MROH7: variants seen among roughly 807,000 people sequenced by gnomAD.
MROH7 encodes maestro heat-like repeat-containing protein family member 7.
A neutral mutation model predicts 129.2 loss-of-function variants in MROH7; 113 were observed. The ratio of observed to expected loss-of-function variants is 0.87; its 90% CI spans 0.75 to 1.02. MROH7 has a LOEUF of 1.02. MROH7 is among the 50% of genes least tolerant of loss of function. The probability of loss-of-function intolerance (pLI) is 0.00; values close to 1 mark genes in which losing one functional copy is unlikely to be tolerated. For synonymous variants in MROH7, 655 were observed against 667.9 expected (o/e 0.98, Z 0.30); for missense variants, 1,601 against 1,671.3 (o/e 0.96, Z 0.73).
chr1:54,697,251 T>C (rs1645338398), intron 17 of MROH7: 3 of 169,118 alleles, frequency 1.8e-5, no homozygotes, highest in African/African-American at 7.1e-5. Flanking sequence ...ACCTTAAAGT[T>C]TGCCAAATGA....
At chr1:54,692,685 TCTC>T (rs1645258709) in intron 16 of MROH7, 124 bp downstream of exon 16, 20 of 948,524 alleles carry the variant, frequency 2.1e-5, no homozygotes, top group Non-Finnish European at 3.1e-5. Context: ...TGTCACCTCT[TCTC>T]TACAACTGGG....
At chr1:54,699,240 T>C (rs1231163923) in intron 17 of MROH7, 2 of 149,858 alleles carry the variant, frequency 1.3e-5, no homozygotes, top group African/African-American at 2.5e-5. Context: ...CTTCCTTCTT[T>C]CCCCTTTCCT....
At chr1:54,695,312 T>TC (rs1017374408) in intron 16 of MROH7, 64 bp from the exon 17 acceptor site, 31 of 846,258 alleles carry the variant, frequency 3.7e-5, no homozygotes, top group African/African-American at 6.8e-5. Flanking sequence ...CACAAGCAAA[T>TC]CCCCCCCACA....
chr1:54,675,591 G>A (rs529349957), intron 10 of MROH7, among the ~76,000 whole-genome samples: 79 of 143,468 alleles, frequency 5.5e-4, no homozygotes, highest in East Asian at 2.3e-3. Flanking sequence ...ATTCTGGCTC[G>A]GGACGCTGCC....
intron 10 of MROH7, among the ~76,000 whole-genome samples, chr1:54,675,558 G>A (rs1489623035): frequency 6.6e-6 from 1 of 151,660 alleles, no homozygotes; most frequent in Non-Finnish European, 1.5e-5. Context: ...TTTAGGGGTA[G>A]GAGTAGGAGC....
At position 54,673,164 on chromosome 1, in the gene MROH7, C is replaced by T. The variant is rs375789961; in HGVS notation, c.1673C>T (p.Ala558Val). 1.1e-5 allele frequency: 17 copies of T among 1,613,462 alleles called. No individual in the cohort carries two copies. In the African/African-American group the frequency reaches 1.5e-4, roughly 14 times the overall value. ...CTCTTTATCGAGGACCCCACTCCTG[C>T]TGGGCTGAAGAGCATCTTGGAGGTG... Reference protein sequence around the residue: ...KALFIEDPTPAGLKSILEALG... With the variant: ...KALFIEDPTPVGLKSILEALG... The change falls in exon 8 of 24, where the codon GCT becomes GTT. Residue 558 changes from alanine to valine, a missense_variant. Coordinates refer to ENST00000421030, the MANE Select transcript of MROH7 (RefSeq NM_001039464.4).
rs573064705 is a variant in MROH7 at position 54,660,454 on chromosome 1, T to C, written c.1232-4713T>C. ...CAGCAATGACTGAATTAATTTACGC[T>C]TCCACAAACAATGTGAGTTTCAATT... is the stretch of plus-strand genomic sequence containing the variant. On this transcript the variant is annotated intron_variant, in intron 3 of 23. Coordinates refer to ENST00000421030, the MANE Select transcript of MROH7 (RefSeq NM_001039464.4). Among the ~76,000 whole-genome samples, 3 of 152,350 alleles carry C rather than the reference T, an allele frequency of 2.0e-5. No individual in the cohort carries two copies. The South Asian group carries it at 6.2e-4, about 32-fold the overall frequency.
At chr1:54,660,110 C>G (rs1644709772) in intron 3 of MROH7, among the ~76,000 whole-genome samples, 1 of 152,138 alleles carries the variant, frequency 6.6e-6, no homozygotes, top group Non-Finnish European at 1.5e-5. Flanking sequence ...GCTGCCATAA[C>G]AAAATGCCTG....
intron 1 of MROH7, among the ~76,000 whole-genome samples, chr1:54,645,688 T>G: frequency 7.3e-6 from 1 of 137,658 alleles, no homozygotes; most frequent in Non-Finnish European, 1.5e-5. Flanking sequence ...ACTCTCTCCC[T>G]GTTGTCCGGG....
chr1:54,668,752 G>T, intron 4 of MROH7, 102 bp from the exon 5 acceptor site: 1 of 770,298 alleles, frequency 1.3e-6, no homozygotes, highest in Non-Finnish European at 2.2e-6. Flanking sequence ...ATGCTGGCTT[G>T]CCTGTAGGTG....
At chr1:54,657,267 T>C (rs768117294) in intron 3 of MROH7, among the ~76,000 whole-genome samples, 5 of 151,946 alleles carry the variant, frequency 3.3e-5, no homozygotes, top group Non-Finnish European at 7.4e-5. Flanking sequence ...CCCAGGCTGG[T>C]CTTGAACTTC....
intron 17 of MROH7, among the ~76,000 whole-genome samples, chr1:54,696,881 A>G (rs2101192574): frequency 6.6e-6 from 1 of 152,140 alleles, no homozygotes; most frequent in East Asian, 1.9e-4. Flanking sequence ...CATGTTGGCC[A>G]GGCTGGTCTC....
intron 17 of MROH7, chr1:54,700,095 C>T: frequency 1.4e-6 from 1 of 704,060 alleles, no homozygotes; most frequent in East Asian, 2.7e-5. Flanking sequence ...GGAAAGGCAA[C>T]AACAAGCAGT....
At chr1:54,678,506 A>G (rs1033350793) in intron 10 of MROH7, among the ~76,000 whole-genome samples, 13 of 152,176 alleles carry the variant, frequency 8.5e-5, no homozygotes, top group Non-Finnish European at 1.2e-4. Flanking sequence ...GGGTTGAGAA[A>G]TTAGAATAGT....
intron 4 of MROH7, among the ~76,000 whole-genome samples, chr1:54,666,807 G>A (rs538836778): frequency 1.1e-4 from 16 of 152,198 alleles, no homozygotes; most frequent in East Asian, 7.7e-4. Flanking sequence ...AATGGATCAG[G>A]AACAGAGATT....
At chr1:54,697,959 T>C (rs1645348994) in intron 17 of MROH7, 3 of 396,206 alleles carry the variant, frequency 7.6e-6, no homozygotes, top group Admixed American at 8.2e-5. Context: ...CAGCAGCCCT[T>C]CCGCCCTGCA....
chr1:54,701,044 A>C (rs1337937364), intron 18 of MROH7, 99 bp from the exon 19 acceptor site: 1 of 1,334,798 alleles, frequency 7.5e-7, no homozygotes, highest in Non-Finnish European at 1.0e-6. Context: ...GGAAGTGGGG[A>C]TTGGGCCACC....
chr1:54,692,290 T>G lies in MROH7; in HGVS notation c.2712-134T>G, dbSNP rs1404865823. 6.3e-6 allele frequency: 7 copies of G among 1,103,372 alleles called. No homozygotes were observed. The Admixed American group carries it at 1.6e-4, about 25-fold the overall frequency. 68.3% of individuals were successfully genotyped at this position (1,103,372 alleles called of 1,614,324 possible). The stretch of plus-strand genomic sequence containing the variant: ...TTTGTAAAAAGCCACCCTTTGTGGA[T>G]ACACTGAATACCCCTACCTAAAATG... On this transcript the variant is annotated intron_variant, in intron 15 of 23. Transcript: ENST00000421030.
At chr1:54,669,380 C>A (rs1271730700) in intron 5 of MROH7, among the ~76,000 whole-genome samples, 2 of 152,174 alleles carry the variant, frequency 1.3e-5, no homozygotes, top group African/African-American at 4.8e-5. Flanking sequence ...ACTGAATAAC[C>A]ACTGAAGCTT....
Sources: allele counts gnomAD v4.1 joint callset (sites outside exome capture counted in the v4.1 genomes callset), GRCh38; gene constraint gnomAD v4.1.1; transcripts MANE v1.5; gene names NCBI Gene and HGNC (gene_info 2026-07-23, HGNC 2026-07-21).